MEIS2: variants seen among roughly 807,000 people sequenced by gnomAD.
MEIS2 encodes the protein Meis homeobox 2.
Under a neutral mutation model 58.6 loss-of-function variants are expected in MEIS2, and 9 were observed. The ratio of observed to expected loss-of-function variants is 0.15; its 90% CI spans 0.09 to 0.27. MEIS2 has a LOEUF of 0.27. Ranked by LOEUF, MEIS2 falls within the 10% of genes least tolerant of loss-of-function variation. MEIS2 has a pLI of 1.00. For missense variants in MEIS2, 427 were observed against 635.0 expected (o/e 0.67, Z 3.52); for synonymous variants, 221 against 228.4 (o/e 0.97, Z 0.29).
At chr15:37,058,650 C>T (rs1888776947) in intron 7 of MEIS2, among the ~76,000 whole-genome samples, 1 of 152,226 alleles carries the variant, frequency 6.6e-6, no homozygotes, top group African/African-American at 2.4e-5. Flanking sequence ...ATGATTTCTG[C>T]ATTAAAAATG....
At chr15:36,952,644 TGTGTGC>T (rs2058799446) in intron 8 of MEIS2, among the ~76,000 whole-genome samples, 1 of 147,808 alleles carries the variant, frequency 6.8e-6, no homozygotes, top group African/African-American at 2.4e-5. Flanking sequence ...TGTGTGTGTG[TGTGTGC>T]ATGTGTGTTT....
chr15:36,955,070 G>T (rs1266002052), intron 8 of MEIS2, among the ~76,000 whole-genome samples: 1 of 152,146 alleles, frequency 6.6e-6, no homozygotes, highest in Non-Finnish European at 1.5e-5. Flanking sequence ...CTTAAGCCCT[G>T]AATAAATAAA....
chr15:37,010,754 C>G (rs2061121551), intron 8 of MEIS2, among the ~76,000 whole-genome samples: 1 of 152,204 alleles, frequency 6.6e-6, no homozygotes, highest in African/African-American at 2.4e-5. Flanking sequence ...AATTTTAAAA[C>G]TTAATTGAAT....
intron 6 of MEIS2, among the ~76,000 whole-genome samples, chr15:37,088,532 G>C (rs909178121): frequency 7.9e-5 from 12 of 152,166 alleles, no homozygotes; most frequent in African/African-American, 2.9e-4. Flanking sequence ...AATGTTAATT[G>C]TGTGGTTTGA....
chr15:37,099,322 AT>A (rs371029057), intron 1 of MEIS2, 132 bp downstream of exon 1: 4 of 1,557,458 alleles, frequency 2.6e-6, no homozygotes, highest in Non-Finnish European at 8.7e-7. Flanking sequence ...TAATTTTGCT[AT>A]TTTTTAAAAT....
intron 8 of MEIS2, among the ~76,000 whole-genome samples, chr15:36,951,488 T>G (rs1244061887): frequency 6.6e-6 from 1 of 152,148 alleles, no homozygotes; most frequent in African/African-American, 2.4e-5. Flanking sequence ...CATTCCAGTA[T>G]TTGAGAGAGT....
Position 37,059,737 on chromosome 15 carries a change from G to A in MEIS2, c.755-22778C>T, listed in dbSNP as rs1305330406. Reference sequence around the variant, plus strand: ...GAATCAGTTGAGGCCAGGAGTTAGAGACCAGCCTGGTCGACACAATGAAAC... The same window carrying A: ...GAATCAGTTGAGGCCAGGAGTTAGAAACCAGCCTGGTCGACACAATGAAAC... On this transcript the variant is annotated intron_variant, in intron 7 of 11. Coordinates refer to ENST00000561208, the MANE Select transcript of MEIS2 (RefSeq NM_170675.5). 8.5e-5 allele frequency among the ~76,000 whole-genome samples: 13 copies of A among 152,048 alleles called. No individual in the cohort carries two copies. The East Asian group carries it at 2.5e-3, about 30-fold the overall frequency.
At chr15:36,939,204 C>A (rs1297340476) in intron 9 of MEIS2, among the ~76,000 whole-genome samples, 4 of 152,184 alleles carry the variant, frequency 2.6e-5, no homozygotes, top group Non-Finnish European at 5.9e-5. Flanking sequence ...GGCTTTCATG[C>A]ATGTTTACTT....
At chr15:36,965,619 T>C (rs2059327743) in intron 8 of MEIS2, among the ~76,000 whole-genome samples, 1 of 152,204 alleles carries the variant, frequency 6.6e-6, no homozygotes, top group African/African-American at 2.4e-5. Flanking sequence ...AATTTAAACT[T>C]TAAAATATTT....
At chr15:37,092,822 C>G (rs1020063805) in intron 6 of MEIS2, among the ~76,000 whole-genome samples, 1 of 140,272 alleles carries the variant, frequency 7.1e-6, no homozygotes, top group African/African-American at 2.6e-5. Context: ...CCTTTCCTGG[C>G]CTGACATACA....
intron 8 of MEIS2, among the ~76,000 whole-genome samples, chr15:36,995,766 GAAAA>G (rs1159133325): frequency 3.0e-5 from 1 of 33,614 alleles, no homozygotes; most frequent in South Asian, 1.3e-3. Flanking sequence ...AAGAAAGAAA[GAAAA>G]AAAACCTAGA....
chr15:36,993,164 G>A lies in MEIS2; in HGVS notation c.901-42764C>T, dbSNP rs1178403358. Among the ~76,000 whole-genome samples the A allele has an allele frequency of 5.9e-5, 9 of 152,140 alleles. No homozygotes were observed. The South Asian group carries it at 6.2e-4, about 11-fold the overall frequency. On this transcript the variant is annotated intron_variant, in intron 8 of 11. Transcript: ENST00000561208. ...CCAATAAAATTATTAAAAACCAGAG[G>A]TAAGTGAATTATTACCTGGATTTCC...
chr15:37,074,120 C>A (rs761253114), intron 7 of MEIS2, among the ~76,000 whole-genome samples: 1 of 151,842 alleles, frequency 6.6e-6, no homozygotes, highest in Non-Finnish European at 1.5e-5. Flanking sequence ...TAGAAAATTC[C>A]AACTGAGTGA....
chr15:36,995,725 A>C (rs866004007), intron 8 of MEIS2, among the ~76,000 whole-genome samples: 2 of 44,542 alleles, frequency 4.5e-5, no homozygotes, highest in Non-Finnish European at 5.0e-5. Flanking sequence ...AAAAAAAAAA[A>C]AAAAAACAAA....
chr15:37,096,069 G>T (rs1173346915), intron 3 of MEIS2: 1 of 514,740 alleles, frequency 1.9e-6, no homozygotes, highest in Non-Finnish European at 3.4e-6. Flanking sequence ...TTCGAGGGTC[G>T]ACCCCTGTAT....
chr15:36,902,421 G>A (rs2056524858), intron 9 of MEIS2, among the ~76,000 whole-genome samples: 2 of 152,228 alleles, frequency 1.3e-5, no homozygotes, highest in Admixed American at 1.3e-4. Flanking sequence ...GGGGTGGGAG[G>A]TGGATAGGGG....
At chr15:36,976,273 A>G (rs955897933) in intron 8 of MEIS2, among the ~76,000 whole-genome samples, 19 of 151,888 alleles carry the variant, frequency 1.3e-4, no homozygotes, top group Admixed American at 2.6e-4. Flanking sequence ...TTTAGTAGAG[A>G]CGGGGTTTCA....
At chr15:36,916,140 G>A (rs1345797461) in intron 9 of MEIS2, among the ~76,000 whole-genome samples, 1 of 151,730 alleles carries the variant, frequency 6.6e-6, no homozygotes, top group Non-Finnish European at 1.5e-5. Context: ...AAGAGACAGG[G>A]TCTCAGGCTG....
At chr15:36,995,706 TAAA>T (rs71821151) in intron 8 of MEIS2, among the ~76,000 whole-genome samples, 6 of 4,122 alleles carry the variant, frequency 1.5e-3, no homozygotes, top group Admixed American at 7.0e-3. Context: ...TTACAGCTAC[TAAA>T]AAAAAAAAAA....
Sources: gnomAD v4.1 joint callset for allele counts (sites outside exome capture counted in the v4.1 genomes callset) on GRCh38, gnomAD v4.1.1 for gene constraint, MANE v1.5 for transcripts, NCBI Gene and HGNC (gene_info 2026-07-23, HGNC 2026-07-21) for gene names.